The following RBFOX1 variants were observed in gnomAD, a reference collection of about 807,000 sequenced individuals.
RBFOX1 encodes RNA binding protein fox-1 homolog 1.
RBFOX1 carries 8 observed loss-of-function variants against 57.7 expected under a neutral mutation model. The observed-to-expected ratio is 0.14, with a 90% CI of 0.08 to 0.25. RBFOX1 has a LOEUF of 0.25. RBFOX1 is among the 10% of genes least tolerant of loss of function. The pLI is 1.00. For synonymous variants in RBFOX1, 326 were observed against 222.4 expected (o/e 1.47, Z -4.15); for missense variants, 611 against 548.5 (o/e 1.11, Z -1.14).
intron 1 of RBFOX1, among the ~76,000 whole-genome samples, chr16:6,117,154 A>G (rs887365080): frequency 4.6e-5 from 7 of 152,226 alleles, no homozygotes; most frequent in Non-Finnish European, 1.0e-4. Flanking sequence ...TGGGTAAGCC[A>G]GACCCAAATG....
At chr16:6,027,492 C>T (rs2095218650) in intron 1 of RBFOX1, among the ~76,000 whole-genome samples, 1 of 152,140 alleles carries the variant, frequency 6.6e-6, no homozygotes, top group Admixed American at 6.5e-5. Context: ...TTTCTAAGTC[C>T]ATAACCTTTC....
intron 4 of RBFOX1, among the ~76,000 whole-genome samples, chr16:7,260,165 C>T (rs1408155736): frequency 6.6e-6 from 1 of 152,248 alleles, no homozygotes; most frequent in African/African-American, 2.4e-5. Flanking sequence ...ATACAGAAAT[C>T]AAACCAAGAC....
rs761874772 is a variant in RBFOX1, at chr16:7,597,435, A to G, written c.622+4A>G. On this transcript the variant is annotated splice_donor_region_variant and intron_variant, in intron 9 of 15. Coordinates refer to ENST00000550418, the MANE Select transcript of RBFOX1 (RefSeq NM_018723.4). ...ACCGTCAACCCTTATACAAATGGTA[A>G]GTAGAGATTGGCCTTTTACAAGAAA... is the stretch of plus-strand genomic sequence containing the variant. 3 of 1,600,358 alleles carry G rather than the reference A, an allele frequency of 1.9e-6. No individual in the cohort carries two copies. Among genetic ancestry groups the G allele is most frequent in the Non-Finnish European group, 1.7e-6 (2 of 1,170,588 alleles).
intron 6 of RBFOX1, among the ~76,000 whole-genome samples, chr16:7,583,672 A>G (rs1220705960): frequency 6.6e-6 from 1 of 152,126 alleles, no homozygotes; most frequent in Non-Finnish European, 1.5e-5. Flanking sequence ...GCCTTACTTT[A>G]GGGGTCAAAA....
chr16:6,304,348 T>A (rs1024365538), intron 1 of RBFOX1, among the ~76,000 whole-genome samples: 3 of 152,130 alleles, frequency 2.0e-5, no homozygotes, highest in Non-Finnish European at 4.4e-5. Flanking sequence ...TGTGTTTTTT[T>A]ATCCTGGCTC....
At chr16:6,260,733 G>C (rs1026650977) in intron 1 of RBFOX1, among the ~76,000 whole-genome samples, 5 of 151,956 alleles carry the variant, frequency 3.3e-5, no homozygotes, top group Admixed American at 6.6e-5. Flanking sequence ...ATACAAAAAT[G>C]AGCCAGGCGT....
chr16:6,828,202 G>T (rs891993011), intron 3 of RBFOX1, among the ~76,000 whole-genome samples: 3 of 152,122 alleles, frequency 2.0e-5, no homozygotes, highest in African/African-American at 7.2e-5. Context: ...GCCCGTAGAA[G>T]TGAGAAACAA....
intron 2 of RBFOX1, among the ~76,000 whole-genome samples, chr16:6,653,984 G>GATGC (rs1316355143): frequency 6.8e-6 from 1 of 147,626 alleles, no homozygotes; most frequent in African/African-American, 2.5e-5. Context: ...TGGATGGATG[G>GATGC]ATGGATGGAT....
chr16:5,490,512 G>A (rs891353970), intron 2 of RBFOX1, among the ~76,000 whole-genome samples: 1 of 152,214 alleles, frequency 6.6e-6, no homozygotes, highest in Non-Finnish European at 1.5e-5. Context: ...AGCCCTTTCA[G>A]GGAGAATTAC....
At chr16:5,499,519 C>G (rs923165558) in intron 2 of RBFOX1, among the ~76,000 whole-genome samples, 3 of 152,134 alleles carry the variant, frequency 2.0e-5, no homozygotes, top group East Asian at 1.9e-4. Context: ...CAAATCCACA[C>G]CATTATAATG....
chr16:5,890,337 A>G (rs532451728), intron 4 of RBFOX1, among the ~76,000 whole-genome samples: 1 of 152,274 alleles, frequency 6.6e-6, no homozygotes, highest in East Asian at 1.9e-4. Flanking sequence ...TAGTGAAGCT[A>G]GCGATAATTT....
rs554489163 is a variant in RBFOX1 at position 6,960,086 on chromosome 16, T to G, written c.-15-91971T>G. On this transcript the variant is annotated intron_variant, in intron 3 of 15. Coordinates refer to ENST00000550418, the MANE Select transcript of RBFOX1 (RefSeq NM_018723.4). ...AAAGGAATTCTTAACAGGACCCATT[T>G]AGGATTAAACAAGTGTATTGGGGGT... Among the ~76,000 whole-genome samples, 66 of 152,260 alleles carry G rather than the reference T, an allele frequency of 4.3e-4. No homozygotes were observed. In the South Asian group the frequency reaches 0.01, roughly 24 times the overall value.
At chr16:7,518,466 C>T (rs1471275679) in intron 5 of RBFOX1, 77 bp downstream of exon 5, 13 of 1,514,876 alleles carry the variant, frequency 8.6e-6, no homozygotes, top group Non-Finnish European at 1.1e-5. Context: ...CGGGGGTGCA[C>T]CCCCATCTAC....
intron 4 of RBFOX1, among the ~76,000 whole-genome samples, chr16:7,307,147 C>T (rs1014552312): frequency 1.3e-5 from 2 of 152,188 alleles, no homozygotes; most frequent in Non-Finnish European, 1.5e-5. Context: ...CCACATTGAT[C>T]TTATTTTGGA....
At chr16:6,801,976 C>T (rs534652350) in intron 3 of RBFOX1, among the ~76,000 whole-genome samples, 1 of 152,152 alleles carries the variant, frequency 6.6e-6, no homozygotes, top group Non-Finnish European at 1.5e-5. Context: ...GGTGATTACC[C>T]TTATCTTGTC....
chr16:6,800,031 C>G (rs967723337), intron 3 of RBFOX1, among the ~76,000 whole-genome samples: 6 of 152,086 alleles, frequency 3.9e-5, no homozygotes, highest in African/African-American at 1.2e-4. Context: ...CTGGAGAACC[C>G]TAATACACCA....
intron 1 of RBFOX1, among the ~76,000 whole-genome samples, chr16:6,113,354 T>C (rs1472644833): frequency 6.6e-6 from 1 of 152,198 alleles, no homozygotes; most frequent in Non-Finnish European, 1.5e-5. Flanking sequence ...AGCATCAACA[T>C]AGCCACCATT....
At chr16:5,274,250 C>G (rs746306079) in intron 1 of RBFOX1, among the ~76,000 whole-genome samples, 1 of 152,100 alleles carries the variant, frequency 6.6e-6, no homozygotes, top group Non-Finnish European at 1.5e-5. Context: ...GTTAGGTGTT[C>G]AGGTGGGGTT....
At chr16:5,709,754 C>T (rs8054907) in intron 3 of RBFOX1, among the ~76,000 whole-genome samples, 87,755 of 126,488 alleles carry the variant, frequency 0.69, 31,522 homozygotes, top group African/African-American at 0.77. Flanking sequence ...ATCTTTACAC[C>T]AATATCTCCC....
Sources: gnomAD v4.1 joint callset for allele counts (sites outside exome capture counted in the v4.1 genomes callset) on GRCh38, gnomAD v4.1.1 for gene constraint, MANE v1.5 for transcripts, NCBI Gene and HGNC (gene_info 2026-07-23, HGNC 2026-07-21) for gene names.